JAKMIP2: variants seen among roughly 807,000 people sequenced by gnomAD.
JAKMIP2 encodes janus kinase and microtubule-interacting protein 2.
JAKMIP2 carries 25 observed loss-of-function variants against 115.0 expected under a neutral mutation model. That is an observed-to-expected ratio of 0.22 (90% confidence interval 0.16 to 0.30). The LOEUF is 0.30. JAKMIP2 is among the 10% of genes least tolerant of loss of function. The probability of loss-of-function intolerance (pLI) is 1.00; values close to 1 mark genes in which losing one functional copy is unlikely to be tolerated. For synonymous variants in JAKMIP2, 334 were observed against 343.6 expected (o/e 0.97, Z 0.31); for missense variants, 642 against 957.6 (o/e 0.67, Z 4.35).
At chr5:147,676,457 A>G (rs571243089) in intron 1 of JAKMIP2, among the ~76,000 whole-genome samples, 17 of 152,328 alleles carry the variant, frequency 1.1e-4, no homozygotes, top group Admixed American at 1.0e-3. Context: ...TATCCGGAGG[A>G]AGGATAGGAG....
chr5:147,620,618 T>A, intron 18 of JAKMIP2, 48 bp downstream of exon 18: 1 of 1,300,590 alleles, frequency 7.7e-7, no homozygotes, highest in Non-Finnish European at 1.1e-6. Flanking sequence ...AATTCCACAG[T>A]GCATAACTGT....
intron 1 of JAKMIP2, among the ~76,000 whole-genome samples, chr5:147,678,548 T>C (rs147569908): frequency 1.3e-5 from 2 of 152,356 alleles, no homozygotes. Flanking sequence ...TGAGGTTGAT[T>C]TCATATCTTG....
chr5:147,618,696 C>T (rs1322565920), intron 18 of JAKMIP2, among the ~76,000 whole-genome samples: 1 of 152,176 alleles, frequency 6.6e-6, no homozygotes, highest in African/African-American at 2.4e-5. Context: ...CGAGATCACG[C>T]ATTGCACTCT....
At chr5:147,745,075 A>AT (rs1561572812) in intron 1 of JAKMIP2, among the ~76,000 whole-genome samples, 1 of 147,616 alleles carries the variant, frequency 6.8e-6, no homozygotes, top group Non-Finnish European at 1.5e-5. Context: ...AAAAAAAAAA[A>AT]GGAAATAAGG....
At chr5:147,752,324 A>G (rs1247469355) in intron 1 of JAKMIP2, among the ~76,000 whole-genome samples, 1 of 152,210 alleles carries the variant, frequency 6.6e-6, no homozygotes, top group Non-Finnish European at 1.5e-5. Context: ...TGAGTACTGT[A>G]AACTTAGTGC....
rs575618613 is a variant in JAKMIP2 at position 147,633,911 on chromosome 5, A to G, written c.1678-1133T>C. Reference sequence around the variant, plus strand: ...CACCACGTTGGCCAGGCTGGTCTTGAACTCCTGACTTCAGGTGATCCACCC... The same window carrying G: ...CACCACGTTGGCCAGGCTGGTCTTGGACTCCTGACTTCAGGTGATCCACCC... On this transcript the variant is annotated intron_variant, in intron 12 of 21. Coordinates refer to ENST00000616793, the MANE Select transcript of JAKMIP2 (RefSeq NM_001270941.2). Among the ~76,000 whole-genome samples, 7 of 152,136 alleles carry G rather than the reference A, an allele frequency of 4.6e-5. No individual in the cohort carries two copies. In the South Asian group the frequency reaches 1.5e-3, roughly 32 times the overall value.
chr5:147,756,755 C>T (rs1465251869), intron 1 of JAKMIP2, among the ~76,000 whole-genome samples: 1 of 152,094 alleles, frequency 6.6e-6, no homozygotes, highest in African/African-American at 2.4e-5. Context: ...CTGTGCTCTA[C>T]CCTTCCCATG....
At chr5:147,604,408 C>A (rs1002065603) in intron 20 of JAKMIP2, among the ~76,000 whole-genome samples, 1 of 152,092 alleles carries the variant, frequency 6.6e-6, no homozygotes, top group Admixed American at 6.5e-5. Context: ...GTGTTATCAT[C>A]CCTGTTTTAG....
At chr5:147,646,435 A>C (rs1758132111) in intron 5 of JAKMIP2, among the ~76,000 whole-genome samples, 2 of 152,114 alleles carry the variant, frequency 1.3e-5, no homozygotes, top group South Asian at 4.1e-4. Flanking sequence ...GTGAGTTTTA[A>C]ATATTTAAAT....
intron 1 of JAKMIP2, among the ~76,000 whole-genome samples, chr5:147,771,464 C>T (rs1422718107): frequency 6.6e-6 from 1 of 151,782 alleles, no homozygotes; most frequent in Non-Finnish European, 1.5e-5. Flanking sequence ...TTGAAAGAAA[C>T]CCTTAGATAT....
At chr5:147,714,974 G>A (rs906856644) in intron 1 of JAKMIP2, among the ~76,000 whole-genome samples, 3 of 152,060 alleles carry the variant, frequency 2.0e-5, no homozygotes, top group African/African-American at 7.2e-5. Context: ...AAAGAACATG[G>A]ATTATTAACA....
intron 2 of JAKMIP2, 30 bp from the exon 3 acceptor site, chr5:147,661,475 G>C (rs763875508): frequency 6.3e-7 from 1 of 1,588,146 alleles, no homozygotes; most frequent in Non-Finnish European, 8.6e-7. Flanking sequence ...ATGATGAAGA[G>C]AAATGAGCCT....
chr5:147,695,091 T>C (rs948229911), intron 1 of JAKMIP2, among the ~76,000 whole-genome samples: 75 of 152,190 alleles, frequency 4.9e-4, no homozygotes, highest in Non-Finnish European at 4.4e-4. Context: ...TGAGTATTTA[T>C]GATCAAGCTA....
chr5:147,753,766 G>A (rs1754645030), intron 1 of JAKMIP2, among the ~76,000 whole-genome samples: 2 of 151,640 alleles, frequency 1.3e-5, no homozygotes, highest in Admixed American at 1.3e-4. Context: ...AAATATTATT[G>A]GTGAGTCTGG....
chr5:147,720,150 T>G (rs1219835072), intron 1 of JAKMIP2, among the ~76,000 whole-genome samples: 1 of 152,212 alleles, frequency 6.6e-6, no homozygotes, highest in African/African-American at 2.4e-5. Context: ...TGAAAATTCT[T>G]GTCTTTAAGA....
At chr5:147,782,204 C>T (rs1400670134) in intron 1 of JAKMIP2, among the ~76,000 whole-genome samples, 1 of 152,102 alleles carries the variant, frequency 6.6e-6, no homozygotes, top group Non-Finnish European at 1.5e-5. Flanking sequence ...CACCAAGTGG[C>T]TCAGTCTGCA....
intron 20 of JAKMIP2, among the ~76,000 whole-genome samples, chr5:147,611,175 C>G (rs1156688986): frequency 2.0e-5 from 3 of 152,186 alleles, no homozygotes; most frequent in African/African-American, 7.2e-5. Flanking sequence ...CTTCAGGCCC[C>G]TTTCCAGGGG....
chr5:147,710,406 A>C (rs1752733587), intron 1 of JAKMIP2, among the ~76,000 whole-genome samples: 1 of 152,216 alleles, frequency 6.6e-6, no homozygotes, highest in Admixed American at 6.5e-5. Context: ...AGGAGGTATA[A>C]ATTTTATATA....
chr5:147,702,442 G>A (rs1752365351), intron 1 of JAKMIP2, among the ~76,000 whole-genome samples: 1 of 116,304 alleles, frequency 8.6e-6, no homozygotes, highest in African/African-American at 4.1e-5. Context: ...AGGAAGGTAG[G>A]AAGGAAGGAA....
Sources: allele counts gnomAD v4.1 joint callset (sites outside exome capture counted in the v4.1 genomes callset), GRCh38; gene constraint gnomAD v4.1.1; transcripts MANE v1.5; gene names NCBI Gene and HGNC (gene_info 2026-07-23, HGNC 2026-07-21).